Variants in POLR2E observed in about 807,000 individuals in gnomAD.
The protein encoded by POLR2E is DNA-directed RNA polymerases I, II, and III subunit RPABC1.
In POLR2E, 35 loss-of-function variants were observed where a neutral mutation model predicts 29.8. The ratio of observed to expected loss-of-function variants is 1.17; its 90% confidence interval spans 0.90 to 1.55. POLR2E has a LOEUF of 1.55. Ranked by LOEUF, POLR2E falls within the 40% of genes most tolerant of loss-of-function variation. POLR2E has a pLI of 0.00. For missense variants in POLR2E, 287 were observed against 288.6 expected (o/e 0.99, Z 0.04); for synonymous variants, 174 against 112.6 (o/e 1.55, Z -3.45).
intron 7 of POLR2E, among the ~76,000 whole-genome samples, 158 bp downstream of exon 7, chr19:1,089,314 G>A (rs2043777806): frequency 6.6e-6 from 1 of 152,206 alleles, no homozygotes; most frequent in African/African-American, 2.4e-5. Context: ...TGGGGTCTGG[G>A]GGTCTGGGGG....
Position 1,091,005 on chromosome 19 carries a change from C to G in POLR2E, c.349-17G>C. 1 of 1,612,484 alleles carries G rather than the reference C, an allele frequency of 6.2e-7. No homozygotes were observed. Among genetic ancestry groups the G allele is most frequent in the South Asian group, 1.1e-5 (1 of 91,052 alleles). Reference sequence around the variant, plus strand: ...GACCAGGGACTGGAAGAGAGCGGCTCTAAGGCACGGCCCGGAGGGGCCCAG... The same window carrying G: ...GACCAGGGACTGGAAGAGAGCGGCTGTAAGGCACGGCCCGGAGGGGCCCAG... On this transcript the variant is annotated splice_polypyrimidine_tract_variant and intron_variant, in intron 3 of 7. Coordinates refer to ENST00000615234, the MANE Select transcript of POLR2E (RefSeq NM_002695.5).
At position 1,089,543 on chromosome 19, in the gene POLR2E, C is replaced by T; in HGVS notation, c.576G>A (p.Lys192=). 1.2e-6 allele frequency: 2 copies of T among 1,613,718 alleles called. No individual in the cohort carries two copies. The highest frequency in any genetic ancestry group is 1.7e-6 in the Non-Finnish European group (2 of 1,179,728). ...CAGCCGTCTCACTGGGCCGGATGATCTTCACCACCTGCAGAGACAGAGAGC... is the reference window on the plus strand; with the variant it reads ...CAGCCGTCTCACTGGGCCGGATGATTTTCACCACCTGCAGAGACAGAGAGC... ...YFGIKRGQVV[K]IIRPSETAGR... The change falls in exon 7 of 8, where the codon AAG becomes AAA. Residue 192 remains lysine (K), a synonymous_variant. Transcript: ENST00000615234.
rs1331400231 is a variant in POLR2E at position 1,087,190 on chromosome 19, T to G, written c.*1545A>C. The G allele has an allele frequency of 2.0e-5, 3 of 151,338 alleles. No homozygotes were observed. Among genetic ancestry groups the G allele is most frequent in the African/African-American group, 7.3e-5 (3 of 41,078 alleles). The allele number at this position is 151,338 out of a possible 1,614,324, so 9.4% of individuals were successfully genotyped here. On this transcript the variant is annotated 3_prime_UTR_variant, in exon 8 of 8. Coordinates refer to ENST00000615234, the MANE Select transcript of POLR2E (RefSeq NM_002695.5). ...GTTTTTTGTAGAGGTGGGGGGTTTC[T>G]CTGTGTTGCCCGGGCTGGTCTTTTA...
chr19:1,091,736 T>A (rs2043835401), intron 3 of POLR2E, 56 bp downstream of exon 3: 1 of 1,051,320 alleles, frequency 9.5e-7, no homozygotes, highest in South Asian at 1.2e-5. Flanking sequence ...GGGTACTGCT[T>A]GCGGGAGGAG....
chr19:1,092,564 C>A (rs558038573), intron 2 of POLR2E, among the ~76,000 whole-genome samples: 2 of 151,788 alleles, frequency 1.3e-5, no homozygotes, highest in African/African-American at 2.4e-5. Flanking sequence ...AGCCCACGCC[C>A]GCAGTCCCAG....
intron 7 of POLR2E, 31 bp downstream of exon 7, chr19:1,089,441 C>T (rs371595178): frequency 6.8e-7 from 1 of 1,476,100 alleles, no homozygotes; most frequent in East Asian, 2.3e-5. Context: ...CCTCTGACCC[C>T]ACCTCAGTGC....
intron 3 of POLR2E, 122 bp downstream of exon 3, chr19:1,091,670 C>A: frequency 4.4e-6 from 3 of 682,326 alleles, no homozygotes; most frequent in Non-Finnish European, 7.8e-6. Flanking sequence ...CCGGCCACAT[C>A]CTCCAGGGCA....
chr19:1,095,099 A>C, intron 1 of POLR2E, 160 bp downstream of exon 1: 1 of 668,646 alleles, frequency 1.5e-6, no homozygotes. Context: ...GGTCGGGTCC[A>C]GCGCCTGGTA....
rs960649625 is a variant in POLR2E at position 1,087,938 on chromosome 19, C to G, written c.*797G>C. 6 of 152,274 alleles carry G rather than the reference C, an allele frequency of 3.9e-5. No individual in the cohort carries two copies. Among genetic ancestry groups the G allele is most frequent in the African/African-American group, 1.4e-4 (6 of 41,444 alleles). The allele number at this position is 152,274 out of a possible 1,614,324, so 9.4% of individuals were successfully genotyped here. ...AAACGTCTGTAAGAGGAACTGGCCG[C>G]AAACCACAGCTGCACAAGCCAGAGA... On this transcript the variant is annotated 3_prime_UTR_variant, in exon 8 of 8. Transcript: ENST00000615234.
Position 1,087,470 on chromosome 19 carries a change from AT to A in POLR2E, c.*1264del, listed in dbSNP as rs1293988753. On this transcript the variant is annotated 3_prime_UTR_variant, in exon 8 of 8. Transcript: ENST00000615234. Reference sequence around the variant, plus strand: ...GCCCGGCCACCTCCAGAATTTTCTCATCTTCCCAAACTAAAACTGTGCACAT... The same window carrying A: ...GCCCGGCCACCTCCAGAATTTTCTCACTTCCCAAACTAAAACTGTGCACAT... The A allele has an allele frequency of 1.3e-5, 2 of 152,076 alleles. No homozygotes were observed. Among genetic ancestry groups the A allele is most frequent in the African/African-American group, 4.8e-5 (2 of 41,352 alleles). The allele number at this position is 152,076 out of a possible 1,614,324, so 9.4% of individuals were successfully genotyped here. A position where few individuals can be genotyped will look rare whatever the true frequency, so the allele number is the denominator to read the frequency against.
chr19:1,090,709 C>T (rs1273435406), intron 4 of POLR2E, among the ~76,000 whole-genome samples, 199 bp downstream of exon 4: 4 of 152,076 alleles, frequency 2.6e-5, no homozygotes, highest in East Asian at 1.9e-4. Flanking sequence ...TGAGCCACCG[C>T]GCCCGGCCGG....
In POLR2E at chr19:1,090,155, G is replaced by C. The variant is rs534921836; in HGVS notation, c.430-10C>G. The C allele has an allele frequency of 6.2e-7, 1 of 1,612,214 alleles. No homozygotes were observed. Among genetic ancestry groups the C allele is most frequent in the Non-Finnish European group, 8.5e-7 (1 of 1,179,746 alleles). On this transcript the variant is annotated splice_polypyrimidine_tract_variant and intron_variant, in intron 4 of 7. Coordinates refer to ENST00000615234, the MANE Select transcript of POLR2E (RefSeq NM_002695.5). Reference sequence around the variant, plus strand: ...CGTGCTCAGGGACTAGCTGCCGAGAGAGGAAGCCACCAGGCATCACCAAGG... The same window carrying C: ...CGTGCTCAGGGACTAGCTGCCGAGACAGGAAGCCACCAGGCATCACCAAGG...
Position 1,091,870 on chromosome 19 carries a change from G to C in POLR2E, c.270C>G (p.Tyr90Ter), listed in dbSNP as rs377252494. ...PKVGIKTIKV[Y>*]CQRMQEENIT... ...TGTTCTCCTCCTGCATGCGCTGGCA[G>C]TACACCTTGATGGTCTTGATGCCCA... Residue 90 changes from tyrosine (Y) to a stop codon, truncating the protein, a stop_gained, in exon 3 of 8, where the codon TAC becomes TAG. Transcript: ENST00000615234. LOFTEE classifies it high-confidence loss of function. The C allele has an allele frequency of 6.8e-6, 11 of 1,613,040 alleles. No individual in the cohort carries two copies. The highest frequency in any genetic ancestry group is 9.3e-6 in the Non-Finnish European group (11 of 1,179,734).
At position 1,089,524 on chromosome 19, in the gene POLR2E, T is replaced by C; in HGVS notation, c.595A>G (p.Thr199Ala). 1 of 1,613,778 alleles carries C rather than the reference T, an allele frequency of 6.2e-7. No individual in the cohort carries two copies. The highest frequency in any genetic ancestry group is 1.3e-5 in the African/African-American group (1 of 75,034). ...CGGTAGGTGATGTACCTGCCAGCCG[T>C]CTCACTGGGCCGGATGATCTTCACC... ...QVVKIIRPSETAGRYITYRLV... is the reference protein window; with the variant it reads ...QVVKIIRPSEAAGRYITYRLV... Residue 199 changes from threonine (T) to alanine (A), a missense_variant, in exon 7 of 8, where the codon ACG (threonine) becomes GCG (alanine). Physicochemically the swap from Thr to Ala is moderately conservative, Grantham distance 58. Transcript: ENST00000615234.
At chr19:1,089,590 G>T (rs563077325) in intron 6 of POLR2E, 39 bp from the exon 7 acceptor site, 7 of 1,555,246 alleles carry the variant, frequency 4.5e-6, no homozygotes, top group Non-Finnish European at 5.3e-6. Context: ...ATGCTTGAGG[G>T]GTCTCACTGC....
intron 2 of POLR2E, among the ~76,000 whole-genome samples, chr19:1,093,022 C>G (rs893832200): frequency 9.9e-5 from 15 of 151,830 alleles, no homozygotes; most frequent in African/African-American, 3.4e-4. Flanking sequence ...CTCATCTCTA[C>G]TAAAATGCAA....
intron 1 of POLR2E, chr19:1,094,401 G>A (rs567001271): frequency 2.2e-5 from 7 of 320,680 alleles, no homozygotes; most frequent in Non-Finnish European, 3.4e-5. Flanking sequence ...GGACAAAGGC[G>A]GGGCGCGGAG....
rs1032388186 is a variant in POLR2E at position 1,092,510 on chromosome 19, G to A, written c.233-603C>T. On this transcript the variant is annotated intron_variant, in intron 2 of 7. Transcript: ENST00000615234. Reference sequence around the variant, plus strand: ...ATGTCAGGAGATCGAGACCACCCTGGCTAACAAGGTGAAATCCCGTTTCTA... The same window carrying A: ...ATGTCAGGAGATCGAGACCACCCTGACTAACAAGGTGAAATCCCGTTTCTA... Among the ~76,000 whole-genome samples the A allele has an allele frequency of 1.1e-4, 16 of 151,232 alleles. No individual in the cohort carries two copies. The South Asian group carries it at 2.7e-3, about 26-fold the overall frequency.
intron 1 of POLR2E, 100 bp from the exon 2 acceptor site, chr19:1,094,178 G>C: frequency 3.6e-6 from 4 of 1,110,480 alleles, no homozygotes; most frequent in South Asian, 1.5e-5. Context: ...AGAGGACAGA[G>C]GTGAACAGCA....
Sources: allele counts gnomAD v4.1 joint callset (sites outside exome capture counted in the v4.1 genomes callset), GRCh38; gene constraint gnomAD v4.1.1; transcripts MANE v1.5; gene names NCBI Gene and HGNC (gene_info 2026-07-23, HGNC 2026-07-21).